The following KCND3 variants were observed in gnomAD, a reference collection of about 807,000 sequenced individuals.
KCND3 encodes the protein A-type voltage-gated potassium channel KCND3.
KCND3 carries 9 observed loss-of-function variants against 51.1 expected under a neutral mutation model. The ratio of observed to expected loss-of-function variants is 0.18; its 90% CI spans 0.11 to 0.31. The LOEUF (loss-of-function observed/expected upper bound fraction) is 0.31, where lower values mean the gene tolerates loss of function less well. Ranked by LOEUF, KCND3 falls within the 10% of genes least tolerant of loss-of-function variation. The pLI is 1.00. For missense variants in KCND3, 526 were observed against 903.8 expected (o/e 0.58, Z 5.36); for synonymous variants, 349 against 368.0 (o/e 0.95, Z 0.59).
chr1:111,920,288 G>A (rs1340395989), intron 2 of KCND3, among the ~76,000 whole-genome samples: 1 of 152,196 alleles, frequency 6.6e-6, no homozygotes, highest in Non-Finnish European at 1.5e-5. Flanking sequence ...CTGACCTGGG[G>A]GAGGAGAGGT....
At chr1:111,949,011 C>G (rs1163032375) in intron 2 of KCND3, among the ~76,000 whole-genome samples, 2 of 152,216 alleles carry the variant, frequency 1.3e-5, no homozygotes, top group Non-Finnish European at 2.9e-5. Context: ...ACAAGCCTTT[C>G]TGAGCCTCAC....
intron 2 of KCND3, among the ~76,000 whole-genome samples, chr1:111,799,394 G>A (rs947523368): frequency 6.6e-6 from 1 of 152,214 alleles, no homozygotes; most frequent in Non-Finnish European, 1.5e-5. Flanking sequence ...GAATCACAAT[G>A]CAGATGTGAA....
At chr1:111,829,280 A>G (rs75726381) in intron 2 of KCND3, among the ~76,000 whole-genome samples, 1,573 of 152,246 alleles carry the variant, frequency 0.01, 20 homozygotes, top group African/African-American at 0.034. Context: ...GGAATTTCTT[A>G]GGTGGATGTT....
chr1:111,899,785 C>A (rs1056992243), intron 2 of KCND3, among the ~76,000 whole-genome samples: 4 of 152,128 alleles, frequency 2.6e-5, no homozygotes, highest in Non-Finnish European at 5.9e-5. Flanking sequence ...AGCTGTTTGG[C>A]CACCTGGGTA....
chr1:111,781,676 C>T (rs1043282742), intron 3 of KCND3, among the ~76,000 whole-genome samples: 1 of 152,182 alleles, frequency 6.6e-6, no homozygotes, highest in Non-Finnish European at 1.5e-5. Flanking sequence ...CCCACCAACA[C>T]ACTCAGCTAA....
intron 2 of KCND3, among the ~76,000 whole-genome samples, chr1:111,897,946 T>G (rs1327910841): frequency 6.6e-6 from 1 of 152,296 alleles, no homozygotes; most frequent in African/African-American, 2.4e-5. Context: ...GTTTCTTACC[T>G]CCAAGTACCA....
At chr1:111,976,620 C>T (rs1674643415) in intron 2 of KCND3, among the ~76,000 whole-genome samples, 1 of 152,202 alleles carries the variant, frequency 6.6e-6, no homozygotes, top group Non-Finnish European at 1.5e-5. Context: ...GACACATAAA[C>T]AGCTGAAGTT....
In KCND3 at chr1:111,819,218, C is replaced by T. The variant is rs559833904; in HGVS notation, c.1107-32112G>A. Among the ~76,000 whole-genome samples, 4 of 152,086 alleles carry T rather than the reference C, an allele frequency of 2.6e-5. No individual in the cohort carries two copies. In the South Asian group the frequency reaches 8.3e-4, roughly 32 times the overall value. The stretch of plus-strand genomic sequence containing the variant: ...TCTACTGCAGGGGGAAGAGGCCTCT[C>T]CCCAGCCTGGGAGTGTGGGACTGCT... On this transcript the variant is annotated intron_variant, in intron 2 of 7. Coordinates refer to ENST00000302127, the MANE Select transcript of KCND3 (RefSeq NM_001378969.1).
chr1:111,786,896 C>G, intron 3 of KCND3, 48 bp downstream of exon 3: 1 of 1,609,600 alleles, frequency 6.2e-7, no homozygotes, highest in South Asian at 1.1e-5. Context: ...GACTGGTGCT[C>G]CCCCGCATCC....
chr1:111,922,422 T>C (rs1671513075), intron 2 of KCND3, among the ~76,000 whole-genome samples: 1 of 152,248 alleles, frequency 6.6e-6, no homozygotes, highest in Non-Finnish European at 1.5e-5. Context: ...CCAGCAGTTA[T>C]TCCTGTACTT....
At chr1:111,802,313 C>T (rs915718707) in intron 2 of KCND3, among the ~76,000 whole-genome samples, 2 of 152,172 alleles carry the variant, frequency 1.3e-5, no homozygotes, top group East Asian at 1.9e-4. Flanking sequence ...CTGAAAGCAC[C>T]GCCTGCTCCT....
intron 2 of KCND3, among the ~76,000 whole-genome samples, chr1:111,860,076 T>A (rs969856797): frequency 3.3e-5 from 5 of 152,222 alleles, no homozygotes; most frequent in African/African-American, 1.2e-4. Flanking sequence ...ACAGCTGAAG[T>A]TGACACAAGT....
At chr1:111,934,801 A>G (rs12740513) in intron 2 of KCND3, among the ~76,000 whole-genome samples, 14,623 of 152,222 alleles carry the variant, frequency 0.096, 857 homozygotes, top group Middle Eastern at 0.13. Context: ...AATTTGGGCA[A>G]GTGCTATAAA....
At chr1:111,880,389 T>C (rs189644134) in intron 2 of KCND3, among the ~76,000 whole-genome samples, 13 of 152,188 alleles carry the variant, frequency 8.5e-5, no homozygotes, top group African/African-American at 2.4e-5. Flanking sequence ...TGGGGCGCCA[T>C]GGAGAGTTTA....
At chr1:111,985,417 C>G (rs1468014508) in intron 1 of KCND3, among the ~76,000 whole-genome samples, 1 of 152,238 alleles carries the variant, frequency 6.6e-6, no homozygotes, top group Non-Finnish European at 1.5e-5. Context: ...TTCAAGAGTA[C>G]AGCCAGACCA....
chr1:111,903,487 C>T (rs1335505167), intron 2 of KCND3, among the ~76,000 whole-genome samples: 2 of 152,256 alleles, frequency 1.3e-5, no homozygotes, highest in African/African-American at 2.4e-5. Context: ...CAGAGTGATG[C>T]TGCAGAGTGA....
At chr1:111,887,811 A>T (rs1571800365) in intron 2 of KCND3, among the ~76,000 whole-genome samples, 1 of 152,358 alleles carries the variant, frequency 6.6e-6, no homozygotes, top group African/African-American at 2.4e-5. Flanking sequence ...CTCAGTGGGA[A>T]GGACCTGGGA....
chr1:111,786,869 T>C, intron 3 of KCND3, 75 bp downstream of exon 3: 1 of 1,559,678 alleles, frequency 6.4e-7, no homozygotes, highest in Non-Finnish European at 8.8e-7. Flanking sequence ...TGTGAGGAGC[T>C]CTAGTCCTGG....
chr1:111,908,081 T>C (rs1308782379), intron 2 of KCND3, among the ~76,000 whole-genome samples: 1 of 152,250 alleles, frequency 6.6e-6, no homozygotes, highest in Non-Finnish European at 1.5e-5. Context: ...TTACTTGCGT[T>C]GTTCCTCTTC....
Sources: gnomAD v4.1 joint callset for allele counts (sites outside exome capture counted in the v4.1 genomes callset) on GRCh38, gnomAD v4.1.1 for gene constraint, MANE v1.5 for transcripts, NCBI Gene and HGNC (gene_info 2026-07-23, HGNC 2026-07-21) for gene names.